PHF24: variants seen among roughly 807,000 people sequenced by gnomAD.
PHF24 encodes Galpha inhibitory interacting protein.
A neutral mutation model predicts 42.6 loss-of-function variants in PHF24; 25 were observed. That is an observed-to-expected ratio of 0.59 (90% CI 0.43 to 0.82). The LOEUF is 0.82. Ranked by LOEUF, PHF24 falls within the 40% of genes least tolerant of loss-of-function variation. PHF24 has a pLI of 0.00. For synonymous variants in PHF24, 185 were observed against 204.8 expected, an observed-to-expected ratio of 0.90 and a Z score of 0.83; for missense variants, 470 against 538.1, an observed-to-expected ratio of 0.87 and a Z score of 1.25.
At chr9:34,783,701 G>T in the PHF24 span, among the ~76,000 whole-genome samples, 2 of 152,198 alleles carry the variant, frequency 1.3e-5, no homozygotes, top group Non-Finnish European at 1.5e-5. Context: ...CTTGGAATTT[G>T]ATCAGTTTCC....
At chr9:34,915,026 C>CT in the PHF24 span, among the ~76,000 whole-genome samples, 478 of 37,378 alleles carry the variant, frequency 0.013, 4 homozygotes, top group South Asian at 0.022. Flanking sequence ...TTTTTCTTTT[C>CT]TTTTTTTTTT....
At chr9:34,851,509 CT>C in the PHF24 span, among the ~76,000 whole-genome samples, 4 of 152,338 alleles carry the variant, frequency 2.6e-5, no homozygotes, top group Admixed American at 2.6e-4. Flanking sequence ...TCTGTCACCC[CT>C]TTCTTTGACT....
At chr9:34,816,350 T>C in the PHF24 span, among the ~76,000 whole-genome samples, 1 of 152,248 alleles carries the variant, frequency 6.6e-6, no homozygotes, top group Non-Finnish European at 1.5e-5. Context: ...TCTACCTATT[T>C]ACTGCTATAA....
the PHF24 span, chr9:34,895,840 C>A: frequency 1.8e-5 from 7 of 397,206 alleles, no homozygotes; most frequent in Non-Finnish European, 3.1e-5. Flanking sequence ...AATCACCAGA[C>A]TGCATCACAA....
At chr9:34,717,310 T>C in the PHF24 span, among the ~76,000 whole-genome samples, 1 of 150,644 alleles carries the variant, frequency 6.6e-6, no homozygotes, top group African/African-American at 2.5e-5. Flanking sequence ...GAGCTACATA[T>C]GAGATCATGT....
chr9:34,860,643 A>T, the PHF24 span, among the ~76,000 whole-genome samples: 6 of 152,016 alleles, frequency 3.9e-5, no homozygotes, highest in South Asian at 6.2e-4. Context: ...CTTGATTTTA[A>T]TGGGTCTGTA....
chr9:34,769,373 G>A, the PHF24 span, among the ~76,000 whole-genome samples: 8 of 151,998 alleles, frequency 5.3e-5, no homozygotes, highest in Admixed American at 2.0e-4. Flanking sequence ...CGCCTGCCTC[G>A]GCCTCCCAAA....
chr9:34,699,150 A>G, the PHF24 span, among the ~76,000 whole-genome samples: 1 of 152,216 alleles, frequency 6.6e-6, no homozygotes, highest in Non-Finnish European at 1.5e-5. Context: ...AGACCTTAGA[A>G]GTTTCAGAAG....
At chr9:34,928,301 A>C in the PHF24 span, among the ~76,000 whole-genome samples, 1 of 152,160 alleles carries the variant, frequency 6.6e-6, no homozygotes, top group Non-Finnish European at 1.5e-5. Flanking sequence ...AAAATAACTA[A>C]AAGAGTATAA....
the PHF24 span, among the ~76,000 whole-genome samples, chr9:34,810,196 C>T: frequency 1.1e-4 from 16 of 152,186 alleles, no homozygotes; most frequent in South Asian, 2.7e-3. Flanking sequence ...CGGGCCGTCA[C>T]CTGAGGGGCG....
chr9:34,765,646 CTT>C, the PHF24 span, among the ~76,000 whole-genome samples: 2 of 149,144 alleles, frequency 1.3e-5, no homozygotes, highest in South Asian at 4.3e-4. Context: ...GGTCTTGACT[CTT>C]TATCCAATTT....
At chr9:34,739,697 G>A in the PHF24 span, among the ~76,000 whole-genome samples, 7 of 152,152 alleles carry the variant, frequency 4.6e-5, no homozygotes, top group South Asian at 1.4e-3. Flanking sequence ...AAGGCAGTGT[G>A]CACCCAAAGA....
chr9:34,715,762 G>A, the PHF24 span, among the ~76,000 whole-genome samples: 117 of 152,316 alleles, frequency 7.7e-4, no homozygotes, highest in African/African-American at 2.6e-3. Flanking sequence ...GGGAGAGGAA[G>A]TGTGCTTATT....
chr9:34,778,643 G>A, the PHF24 span, among the ~76,000 whole-genome samples: 1 of 152,100 alleles, frequency 6.6e-6, no homozygotes, highest in South Asian at 2.1e-4. Flanking sequence ...GAACTGAAGG[G>A]AGAAATAGAC....
chr9:34,938,052 G>A, the PHF24 span, among the ~76,000 whole-genome samples: 7 of 152,300 alleles, frequency 4.6e-5, no homozygotes, highest in South Asian at 1.0e-3. Flanking sequence ...CACAGAGCCC[G>A]GGCCACAAAG....
the PHF24 span, among the ~76,000 whole-genome samples, chr9:34,886,832 A>G: frequency 2.8e-5 from 4 of 144,486 alleles, no homozygotes; most frequent in African/African-American, 5.3e-5. Flanking sequence ...CTATGTATCT[A>G]TGTATCTATC....
chr9:34,851,167 T>C, the PHF24 span, among the ~76,000 whole-genome samples: 7 of 152,180 alleles, frequency 4.6e-5, no homozygotes, highest in African/African-American at 1.7e-4. Flanking sequence ...CAGAGGTTAC[T>C]GCTGTCTTTT....
chr9:34,715,304 C>T, the PHF24 span, among the ~76,000 whole-genome samples: 20 of 151,958 alleles, frequency 1.3e-4, no homozygotes, highest in East Asian at 1.2e-3. Flanking sequence ...GTGAGGAGCT[C>T]GGATGATGAG....
the PHF24 span, chr9:34,895,897 T>G: frequency 2.5e-6 from 1 of 393,624 alleles, no homozygotes; most frequent in Non-Finnish European, 4.5e-6. Flanking sequence ...GACCTTTATT[T>G]GTTTTTAAAG....
Sources: gnomAD v4.1 joint callset for allele counts (sites outside exome capture counted in the v4.1 genomes callset) on GRCh38, gnomAD v4.1.1 for gene constraint, MANE v1.5 for transcripts, NCBI Gene and HGNC (gene_info 2026-07-23, HGNC 2026-07-21) for gene names.